ACSM1: variants seen among roughly 807,000 people sequenced by gnomAD.
ACSM1 encodes acyl-coenzyme A synthetase ACSM1, mitochondrial.
ACSM1 carries 79 observed loss-of-function variants against 75.8 expected under a neutral mutation model. The ratio of observed to expected loss-of-function variants is 1.04; its 90% CI spans 0.87 to 1.26. The LOEUF (loss-of-function observed/expected upper bound fraction) is 1.26. Among genes scored for constraint, ACSM1 ranks in the 50% most tolerant of loss-of-function variants. The pLI is 0.00. For missense variants in ACSM1, 676 were observed against 720.1 expected (o/e 0.94, Z 0.70); for synonymous variants, 279 against 265.8 (o/e 1.05, Z -0.48).
intron 12 of ACSM1, 83 bp downstream of exon 12, chr16:20,625,340 C>A: frequency 7.3e-7 from 1 of 1,369,304 alleles, no homozygotes; most frequent in Non-Finnish European, 1.0e-6. Flanking sequence ...ACCAAGGCTG[C>A]ACAGGTAAAG....
At position 20,669,853 on chromosome 16, in the gene ACSM1, G is replaced by A. The variant is rs2019793104; in HGVS notation, c.886C>T (p.Gln296Ter). 3 of 1,613,864 alleles carry A rather than the reference G, an allele frequency of 1.9e-6. No homozygotes were observed. Among genetic ancestry groups the A allele is most frequent in the South Asian group, 2.2e-5 (2 of 91,088 alleles). ...TGTATGATGACCTTGGTGTCAAACT[G>A]TGGCAGATGGTGGATAAAGACTGTA... ...GCTVFIHHLP[Q>*]FDTKVIIQTL... The change falls in exon 6 of 14, where the codon CAG becomes TAG. Residue 296 changes from glutamine (Q) to a stop codon, truncating the protein, a stop_gained. Transcript: ENST00000520010. LOFTEE classifies it high-confidence loss of function.
At chr16:20,679,039 A>T (rs190131467) in intron 4 of ACSM1, 1 of 152,404 alleles carries the variant, frequency 6.6e-6, no homozygotes, top group Non-Finnish European at 1.5e-5. Flanking sequence ...TAACAGACCC[A>T]GTACACCCTT....
chr16:20,638,340 G>T (rs1220065034), intron 8 of ACSM1, among the ~76,000 whole-genome samples: 4 of 152,324 alleles, frequency 2.6e-5, no homozygotes, highest in Non-Finnish European at 5.9e-5. Context: ...AGCTACAAGA[G>T]AAGTCAAGGG....
chr16:20,671,434 TCCCAAGACACACACACA>T, intron 5 of ACSM1, 80 bp downstream of exon 5: 1 of 1,268,710 alleles, frequency 7.9e-7, no homozygotes, highest in Non-Finnish European at 1.0e-6. Flanking sequence ...CCAGTTCCTT[TCCCAAGACACACACACA>T]CACACACACA....
intron 7 of ACSM1, among the ~76,000 whole-genome samples, chr16:20,658,187 T>A (rs2019088850): frequency 6.6e-6 from 1 of 152,212 alleles, no homozygotes; most frequent in African/African-American, 2.4e-5. Context: ...CATCACACTG[T>A]CTTCCAAAAT....
chr16:20,653,003 A>G (rs2018733000), intron 7 of ACSM1, among the ~76,000 whole-genome samples: 1 of 152,228 alleles, frequency 6.6e-6, no homozygotes, highest in African/African-American at 2.4e-5. Flanking sequence ...AAAAATGCTG[A>G]AGAAAATACT....
chr16:20,674,019 G>C, intron 4 of ACSM1: 1 of 413,824 alleles, frequency 2.4e-6, no homozygotes, highest in Non-Finnish European at 4.9e-6. Flanking sequence ...ACATAAGTGA[G>C]GTTTCTGACA....
intron 7 of ACSM1, among the ~76,000 whole-genome samples, chr16:20,653,305 T>A (rs2018755797): frequency 6.6e-6 from 1 of 152,158 alleles, no homozygotes; most frequent in Non-Finnish European, 1.5e-5. Context: ...TCATACTGAA[T>A]GGGCAAAAAC....
chr16:20,651,097 C>T (rs1204861336), intron 7 of ACSM1, among the ~76,000 whole-genome samples: 1 of 152,082 alleles, frequency 6.6e-6, no homozygotes, highest in East Asian at 1.9e-4. Flanking sequence ...AATTAATTTC[C>T]CTCTAGCATA....
At chr16:20,675,964 C>T (rs1474418591) in intron 4 of ACSM1, among the ~76,000 whole-genome samples, 1 of 152,284 alleles carries the variant, frequency 6.6e-6, no homozygotes, top group Middle Eastern at 3.4e-3. Context: ...CTGGCAACTA[C>T]GGAGACAAAA....
At chr16:20,673,961 A>C in intron 4 of ACSM1, 1 of 318,270 alleles carries the variant, frequency 3.1e-6, no homozygotes, top group Non-Finnish European at 6.3e-6. Flanking sequence ...AGCAACTGAG[A>C]TCAAGAGAGG....
intron 4 of ACSM1, among the ~76,000 whole-genome samples, chr16:20,676,868 TA>T (rs931329133): frequency 2.1e-4 from 31 of 150,568 alleles, no homozygotes; most frequent in Non-Finnish European, 3.4e-4. Flanking sequence ...GGCCATGGTA[TA>T]AAAAAAAACC....
chr16:20,680,119 G>A (rs2079408442), intron 4 of ACSM1: 1 of 152,326 alleles, frequency 6.6e-6, no homozygotes, highest in Middle Eastern at 3.4e-3. Flanking sequence ...ATTCAGGAAG[G>A]AGTGCTCTGC....
At chr16:20,634,600 G>A (rs538827909) in intron 10 of ACSM1, among the ~76,000 whole-genome samples, 2 of 152,276 alleles carry the variant, frequency 1.3e-5, no homozygotes, top group East Asian at 3.9e-4. Context: ...ACGCAAAAGG[G>A]CAAATGTTGT....
intron 4 of ACSM1, chr16:20,676,239 G>C (rs1257040573): frequency 6.6e-6 from 1 of 152,218 alleles, no homozygotes; most frequent in Non-Finnish European, 1.5e-5. Flanking sequence ...AAGAGGACAA[G>C]AGGACACCCA....
intron 1 of ACSM1, among the ~76,000 whole-genome samples, chr16:20,695,969 TAC>T (rs1486116612): frequency 6.6e-6 from 1 of 152,230 alleles, no homozygotes; most frequent in Non-Finnish European, 1.5e-5. Context: ...GGATCACATA[TAC>T]AGAGTGGCCC....
chr16:20,629,205 G>A (rs2017188296), intron 10 of ACSM1, among the ~76,000 whole-genome samples: 1 of 152,114 alleles, frequency 6.6e-6, no homozygotes, highest in Non-Finnish European at 1.5e-5. Flanking sequence ...TTTATGGCAA[G>A]TAATACTGTT....
intron 10 of ACSM1, among the ~76,000 whole-genome samples, chr16:20,627,961 T>C (rs2017092847): frequency 6.9e-6 from 1 of 144,124 alleles, no homozygotes; most frequent in South Asian, 2.2e-4. Context: ...GAAATTTCCA[T>C]TATGGTGTGA....
At chr16:20,658,663 T>C (rs1290443899) in intron 7 of ACSM1, among the ~76,000 whole-genome samples, 7 of 152,180 alleles carry the variant, frequency 4.6e-5, no homozygotes, top group Admixed American at 1.3e-4. Flanking sequence ...TACCAGTATA[T>C]GGTGCAATAC....
Sources: allele counts gnomAD v4.1 joint callset (sites outside exome capture counted in the v4.1 genomes callset), GRCh38; gene constraint gnomAD v4.1.1; transcripts MANE v1.5; gene names NCBI Gene and HGNC (gene_info 2026-07-23, HGNC 2026-07-21).